The following FAM219A variants were observed in gnomAD, a reference collection of about 807,000 sequenced individuals.
FAM219A encodes the protein protein FAM219A.
Under a neutral mutation model 23.4 loss-of-function variants are expected in FAM219A, and 7 were observed. The ratio of observed to expected loss-of-function variants is 0.30; its 90% CI spans 0.17 to 0.56. The LOEUF is 0.56. FAM219A is among the 20% of genes least tolerant of loss of function. The probability of loss-of-function intolerance (pLI) is 0.92; values close to 1 mark genes in which losing one functional copy is unlikely to be tolerated. For synonymous variants in FAM219A, 93 were observed against 99.0 expected, an observed-to-expected ratio of 0.94 and a Z score of 0.36; for missense variants, 166 against 246.9, an observed-to-expected ratio of 0.67 and a Z score of 2.20.
At chr9:34,424,390 A>G (rs2131969773) in intron 1 of FAM219A, among the ~76,000 whole-genome samples, 1 of 151,936 alleles carries the variant, frequency 6.6e-6, no homozygotes, top group Middle Eastern at 3.4e-3. Flanking sequence ...TCTAGTAGAA[A>G]AGTCCAGTCA....
chr9:34,406,523 C>G (rs1821642171), intron 1 of FAM219A: 1 of 981,870 alleles, frequency 1.0e-6, no homozygotes, highest in African/African-American at 1.7e-5. Context: ...CTAATGAGGA[C>G]TTCTCCAGTT....
At position 34,401,264 on chromosome 9, in the gene FAM219A, C is replaced by T; in HGVS notation, c.400-142G>A. 4 of 1,040,198 alleles carry T rather than the reference C, an allele frequency of 3.8e-6. No homozygotes were observed. The African/African-American group carries it at 6.4e-5, about 17-fold the overall frequency. The allele number at this position is 1,040,198 out of a possible 1,614,324, so 64.4% of individuals were successfully genotyped here. ...CGCCCTGTCCCGGGTCTGTCTGTACCCCCAGGCCCCGCTCCTGCCTAGGCG... is the reference window on the plus strand; with the variant it reads ...CGCCCTGTCCCGGGTCTGTCTGTACTCCCAGGCCCCGCTCCTGCCTAGGCG... On this transcript the variant is annotated intron_variant, in intron 5 of 5. Coordinates refer to ENST00000651358, the MANE Select transcript of FAM219A (RefSeq NM_001184940.2).
intron 1 of FAM219A, among the ~76,000 whole-genome samples, chr9:34,421,943 A>G (rs149621643): frequency 9.2e-4 from 140 of 152,242 alleles, no homozygotes; most frequent in African/African-American, 3.2e-3. Context: ...TACAGCGACC[A>G]CACTTGGAAT....
At chr9:34,407,163 G>GC (rs1268331303) in intron 1 of FAM219A, among the ~76,000 whole-genome samples, 1 of 151,952 alleles carries the variant, frequency 6.6e-6, no homozygotes, top group Non-Finnish European at 1.5e-5. Flanking sequence ...AAGATCCAGG[G>GC]CCGTGCAAGT....
chr9:34,438,591 G>A (rs1029226244), intron 1 of FAM219A, among the ~76,000 whole-genome samples: 1 of 151,666 alleles, frequency 6.6e-6, no homozygotes, highest in East Asian at 1.9e-4. Flanking sequence ...TACACCAATC[G>A]GCACTCTGTA....
chr9:34,455,915 G>A (rs921631407), intron 1 of FAM219A, among the ~76,000 whole-genome samples: 3 of 152,158 alleles, frequency 2.0e-5, no homozygotes, highest in South Asian at 2.1e-4. Flanking sequence ...TTCTCAGGCC[G>A]GGCATAGCAG....
chr9:34,402,105 G>A, intron 4 of FAM219A: 2 of 1,398,642 alleles, frequency 1.4e-6, no homozygotes, highest in South Asian at 1.5e-5. Flanking sequence ...ATATTCTGCT[G>A]TCCAGAGACA....
chr9:34,411,919 A>G (rs1259829095), intron 1 of FAM219A, among the ~76,000 whole-genome samples: 1 of 152,210 alleles, frequency 6.6e-6, no homozygotes, highest in Non-Finnish European at 1.5e-5. Context: ...TAAAACTAGC[A>G]TAGTACATTC....
intron 1 of FAM219A, chr9:34,406,236 A>C: frequency 2.1e-6 from 2 of 951,876 alleles, no homozygotes; most frequent in Non-Finnish European, 2.5e-6. Flanking sequence ...TCCTCCAGAA[A>C]GCCCATCATG....
At chr9:34,450,544 G>A (rs962627159) in intron 1 of FAM219A, among the ~76,000 whole-genome samples, 4 of 151,728 alleles carry the variant, frequency 2.6e-5, no homozygotes, top group South Asian at 4.2e-4. Flanking sequence ...TCAGCCTCCC[G>A]AGTAGCTGGG....
chr9:34,418,455 C>A (rs1822118005), intron 1 of FAM219A, among the ~76,000 whole-genome samples: 1 of 152,192 alleles, frequency 6.6e-6, no homozygotes, highest in South Asian at 2.1e-4. Context: ...GAAGCCTGTG[C>A]ATAAGGGCCT....
intron 1 of FAM219A, among the ~76,000 whole-genome samples, chr9:34,429,193 AT>A (rs776890894): frequency 6.6e-5 from 10 of 152,232 alleles, no homozygotes; most frequent in Admixed American, 3.3e-4. Flanking sequence ...GGGTTTCATT[AT>A]TTAGCATCAA....
At chr9:34,418,489 G>A (rs577911981) in intron 1 of FAM219A, among the ~76,000 whole-genome samples, 37 of 152,348 alleles carry the variant, frequency 2.4e-4, no homozygotes, top group Non-Finnish European at 5.0e-4. Flanking sequence ...CATGACCCAG[G>A]AGGTAGACAC....
In FAM219A at chr9:34,401,024, G is replaced by T. The variant is rs775532816; in HGVS notation, c.498C>A (p.Ser166=). The change falls in exon 6 of 6, where the codon TCC becomes TCA. Residue 166 remains serine, a synonymous_variant. Transcript: ENST00000651358. ...GGCAGCACATGCACGTGGGGTTCAC[G>T]GACTTGGGGGGGATGAGGTCTAGGT... The part of the protein sequence containing the change: ...DEDLDLIPPK[S]VNPTCMCCQA... The T allele has an allele frequency of 2.5e-6, 4 of 1,600,196 alleles. No homozygotes were observed. The highest frequency in any genetic ancestry group is 3.4e-6 in the Non-Finnish European group (4 of 1,171,516).
intron 1 of FAM219A, among the ~76,000 whole-genome samples, chr9:34,410,899 G>A (rs185397717): frequency 2.0e-5 from 3 of 152,244 alleles, no homozygotes; most frequent in Admixed American, 2.0e-4. Context: ...CTAGTTCAAG[G>A]GTTCTTGTGA....
chr9:34,449,006 A>AAAG lies in FAM219A; in HGVS notation c.60+9197_60+9198insCTT, dbSNP rs1554680557. On this transcript the variant is annotated intron_variant, in intron 1 of 5. Transcript: ENST00000651358. ...CCAAAAACTATCGGAAAAAAAAAAAAAACCTCAGCCATGGGATAGCCACAC... is the reference window on the plus strand; with the variant it reads ...CCAAAAACTATCGGAAAAAAAAAAAAAAGAACCTCAGCCATGGGATAGCCACAC... 2.7e-3 allele frequency among the ~76,000 whole-genome samples: 410 copies of AAAG among 150,336 alleles called. 5 individuals carry two copies. Among genetic ancestry groups the AAAG allele is most frequent in the Middle Eastern group, 0.024 (7 of 292 alleles).
intron 1 of FAM219A, among the ~76,000 whole-genome samples, chr9:34,438,517 CTCTGTA>C (rs1823021688): frequency 6.6e-6 from 1 of 151,856 alleles, no homozygotes; most frequent in African/African-American, 2.4e-5. Context: ...CCAATGGACA[CTCTGTA>C]TCTATCTACT....
At chr9:34,430,099 G>C (rs2131979921) in intron 1 of FAM219A, among the ~76,000 whole-genome samples, 1 of 152,292 alleles carries the variant, frequency 6.6e-6, no homozygotes, top group South Asian at 2.1e-4. Context: ...CAGAGAGCTA[G>C]ACATGTGTGG....
At chr9:34,419,073 TCAAACAAA>T (rs34174911) in intron 1 of FAM219A, among the ~76,000 whole-genome samples, 60 of 151,746 alleles carry the variant, frequency 4.0e-4, no homozygotes, top group African/African-American at 4.8e-4. Context: ...AGACTCTGTC[TCAAACAAA>T]CAAACAAACA....
Sources: gnomAD v4.1 joint callset for allele counts (sites outside exome capture counted in the v4.1 genomes callset) on GRCh38, gnomAD v4.1.1 for gene constraint, MANE v1.5 for transcripts, NCBI Gene and HGNC (gene_info 2026-07-23, HGNC 2026-07-21) for gene names.